The following KCNQ1 variants were observed in gnomAD, a reference collection of about 807,000 sequenced individuals.
KCNQ1 encodes potassium voltage-gated channel subfamily KQT member 1.
In KCNQ1, 49 loss-of-function variants were observed where a neutral mutation model predicts 72.4. That is an observed-to-expected ratio of 0.68 (90% confidence interval 0.54 to 0.86). The LOEUF is 0.86. Ranked by LOEUF, KCNQ1 falls within the 40% of genes least tolerant of loss-of-function variation. KCNQ1 has a pLI of 0.00. For synonymous variants in KCNQ1, 450 were observed against 412.6 expected, an observed-to-expected ratio of 1.09 and a Z score of -1.10; for missense variants, 790 against 945.1, an observed-to-expected ratio of 0.84 and a Z score of 2.15.
chr11:2,449,763 A>G (rs965806807), intron 1 of KCNQ1, among the ~76,000 whole-genome samples: 14 of 152,074 alleles, frequency 9.2e-5, no homozygotes, highest in African/African-American at 3.4e-4. Context: ...CCCCGTTTTT[A>G]AAGGCGTTGG....
rs1846626799 is a variant in KCNQ1, at chr11:2,479,872, A to G, written c.386+34388A>G. ...AAACTGAATGCTTTTAACAACACCC[A>G]AGTCACCTCTTGAAAGCTTTGCAGC... On this transcript the variant is annotated intron_variant, in intron 1 of 15. Transcript: ENST00000155840. This position sits in a 1 kb window ranked among gnomAD's most constrained non-coding sequence, Gnocchi z 4.6. 6.6e-6 allele frequency among the ~76,000 whole-genome samples: 1 copy of G among 152,152 alleles called. No individual in the cohort carries two copies. The highest frequency in any genetic ancestry group is 1.5e-5 in the Non-Finnish European group (1 of 68,022).
chr11:2,685,948 C>G (rs932514268), intron 11 of KCNQ1: 1 of 398,660 alleles, frequency 2.5e-6, no homozygotes, highest in African/African-American at 2.1e-5. Context: ...CATCCTCCTG[C>G]TGGGTCACAC....
rs59755063 is a variant in KCNQ1, at chr11:2,573,096, A to C, written c.921+110A>C. 2.0e-5 allele frequency: 26 copies of C among 1,286,896 alleles called. No individual in the cohort carries two copies. In the African/African-American group the frequency reaches 3.5e-4, roughly 17 times the overall value. The allele number at this position is 1,286,896 out of a possible 1,614,324, so 79.7% of individuals were successfully genotyped here. A position where few individuals can be genotyped will look rare whatever the true frequency, so the allele number is the denominator to read the frequency against. On this transcript the variant is annotated intron_variant, in intron 6 of 15. Transcript: ENST00000155840. ...CTTCGGGCCTTGGCAGGGGCTTCTC[A>C]CCTGCACGCTCACAGGCCTCTGTCC...
rs1847964792 is a variant in KCNQ1 at position 2,550,321 on chromosome 11, A to G, written c.478-20307A>G. 6.6e-6 allele frequency among the ~76,000 whole-genome samples: 1 copy of G among 152,182 alleles called. No homozygotes were observed. Among genetic ancestry groups the G allele is most frequent in the Admixed American group, 6.5e-5 (1 of 15,288 alleles). On this transcript the variant is annotated intron_variant, in intron 2 of 15. Transcript: ENST00000155840. This position sits in a 1 kb window ranked among gnomAD's most constrained non-coding sequence, Gnocchi z 6.0. ...GCCTGGATTTCCGACACACTGCAGC[A>G]TCTGCATCCTTGCCGTCACCCCTCA...
At position 2,768,920 on chromosome 11, in the gene KCNQ1, G is replaced by A. The variant is rs767921776; in HGVS notation, c.1590+1G>A. 3 of 1,612,978 alleles carry A rather than the reference G, an allele frequency of 1.9e-6. No homozygotes were observed. In the Admixed American group the frequency reaches 5.0e-5, roughly 27 times the overall value. ...CTTTGTGGCCAAGAAGAAATTCCAG[G>A]TAAGCCCTGTGCTGAGCCTTCCTGC... On this transcript the variant is annotated splice_donor_variant, in intron 12 of 15. Transcript: ENST00000155840. LOFTEE classifies it high-confidence loss of function. This position sits in a 1 kb window ranked among gnomAD's most constrained non-coding sequence, Gnocchi z 6.7.
chr11:2,542,355 T>C (rs1277545704), intron 2 of KCNQ1, among the ~76,000 whole-genome samples: 1 of 152,226 alleles, frequency 6.6e-6, no homozygotes, highest in Non-Finnish European at 1.5e-5. Context: ...AGGGGCCCCG[T>C]GCCCACCAAA....
chr11:2,764,649 C>T lies in KCNQ1; in HGVS notation c.1515-4195C>T, dbSNP rs1334689615. Among the ~76,000 whole-genome samples the T allele has an allele frequency of 6.6e-6, 1 of 152,076 alleles. No individual in the cohort carries two copies. Among genetic ancestry groups the T allele is most frequent in the African/African-American group, 2.4e-5 (1 of 41,408 alleles). On this transcript the variant is annotated intron_variant, in intron 11 of 15. Coordinates refer to ENST00000155840, the MANE Select transcript of KCNQ1 (RefSeq NM_000218.3). The surrounding 1 kb of genome is among the most constrained non-coding windows in gnomAD (Gnocchi z 4.8). Reference sequence around the variant, plus strand: ...TCGTCTAGATACAGAGTTTTCTTTGCCAGAAGATCATTAAAATTCCAAATT... The same window carrying T: ...TCGTCTAGATACAGAGTTTTCTTTGTCAGAAGATCATTAAAATTCCAAATT...
intron 15 of KCNQ1, among the ~76,000 whole-genome samples, chr11:2,841,387 G>T (rs1420201180): frequency 6.6e-6 from 1 of 152,172 alleles, no homozygotes; most frequent in Non-Finnish European, 1.5e-5. Flanking sequence ...CCTGGAACAA[G>T]CGGGGAACAG....
chr11:2,587,650 C>T lies in KCNQ1; in HGVS notation c.1209C>T (p.His403=), dbSNP rs779294146. Residue 403 remains histidine (H), a synonymous_variant, in exon 9 of 16, where the codon CAC becomes CAT. Coordinates refer to ENST00000155840, the MANE Select transcript of KCNQ1 (RefSeq NM_000218.3). ...KIYIRKAPRS[H]TLLSPSPKPK... ...ACATCCGGAAGGCCCCCCGGAGCCA[C>T]ACTCTGCTGTCACCCAGCCCCAAAC... 5.0e-5 allele frequency: 81 copies of T among 1,613,834 alleles called. No individual in the cohort carries two copies. Among genetic ancestry groups the T allele is most frequent in the Non-Finnish European group, 6.9e-5 (81 of 1,180,024 alleles).
chr11:2,628,588 T>G (rs1408377236), intron 10 of KCNQ1: 5 of 398,366 alleles, frequency 1.3e-5, no homozygotes, highest in African/African-American at 6.2e-5. Context: ...CCGCTACATG[T>G]GCTGCCTTTT....
Position 2,691,862 on chromosome 11 carries a change from A to T in KCNQ1, c.1514+29781A>T, listed in dbSNP as rs915844636. 6 of 398,468 alleles carry T rather than the reference A, an allele frequency of 1.5e-5. No individual in the cohort carries two copies. Among genetic ancestry groups the T allele is most frequent in the African/African-American group, 4.1e-5 (2 of 48,574 alleles). The allele number at this position is 398,468 out of a possible 1,614,324, so 24.7% of individuals were successfully genotyped here. On this transcript the variant is annotated intron_variant, in intron 11 of 15. Coordinates refer to ENST00000155840, the MANE Select transcript of KCNQ1 (RefSeq NM_000218.3). The surrounding 1 kb of genome is among the most constrained non-coding windows in gnomAD (Gnocchi z 6.4). ...CCATGACCCCTAGGTCCTCTTTTCCATCCCTCCAGTTCTCCTGGCTTTCTT... is the reference window on the plus strand; with the variant it reads ...CCATGACCCCTAGGTCCTCTTTTCCTTCCCTCCAGTTCTCCTGGCTTTCTT...
intron 1 of KCNQ1, among the ~76,000 whole-genome samples, chr11:2,452,718 G>T (rs1459440927): frequency 6.6e-6 from 1 of 152,230 alleles, no homozygotes; most frequent in African/African-American, 2.4e-5. Context: ...ATACAGCTTT[G>T]CTAATTAAAA....
intron 15 of KCNQ1, among the ~76,000 whole-genome samples, chr11:2,791,894 G>A (rs1470932226): frequency 6.6e-6 from 1 of 152,248 alleles, no homozygotes; most frequent in African/African-American, 2.4e-5. Flanking sequence ...TGGCTGACGC[G>A]GCGCACGGCC....
intron 15 of KCNQ1, among the ~76,000 whole-genome samples, chr11:2,793,411 G>A (rs1233651219): frequency 2.8e-5 from 3 of 105,964 alleles, no homozygotes; most frequent in Non-Finnish European, 4.9e-5. Flanking sequence ...CTTGAGGCCA[G>A]GAGTTCACGA....
chr11:2,776,133 G>A (rs1046794293), intron 13 of KCNQ1, 79 bp downstream of exon 13: 157 of 1,220,552 alleles, frequency 1.3e-4, no homozygotes, highest in African/African-American at 5.6e-4. Context: ...CAGCGGTGCC[G>A]GAGGAGGGAG....
rs557959916 is a variant in KCNQ1, at chr11:2,457,607, A to C, written c.386+12123A>C. Among the ~76,000 whole-genome samples, 8 of 151,318 alleles carry C rather than the reference A, an allele frequency of 5.3e-5. No homozygotes were observed. In the South Asian group the frequency reaches 8.3e-4, roughly 16 times the overall value. On this transcript the variant is annotated intron_variant, in intron 1 of 15. Transcript: ENST00000155840. This position sits in a 1 kb window ranked among gnomAD's most constrained non-coding sequence, Gnocchi z 5.0. ...ATGTGGACATAATGATGAGAACAAG[A>C]GACACTGGGGAATACAAGAGTGGGG...
Position 2,447,121 on chromosome 11 carries a change from C to T in KCNQ1, c.386+1637C>T, listed in dbSNP as rs963251552. On this transcript the variant is annotated intron_variant, in intron 1 of 15. Transcript: ENST00000155840. This position sits in a 1 kb window ranked among gnomAD's most constrained non-coding sequence, Gnocchi z 7.6. The stretch of plus-strand genomic sequence containing the variant: ...TGCCTCCGGGCTCACTGCAGCCACC[C>T]GTGTGGAGGAAGAGGAGGAAGAGGG... Among the ~76,000 whole-genome samples the T allele has an allele frequency of 5.3e-5, 8 of 152,190 alleles. No individual in the cohort carries two copies. Among genetic ancestry groups the T allele is most frequent in the South Asian group, 2.1e-4 (1 of 4,834 alleles).
chr11:2,847,846 C>A lies in KCNQ1; in HGVS notation c.1874C>A (p.Pro625His). The change falls in exon 16 of 16, where the codon CCC (proline) becomes CAC (histidine). Residue 625 changes from proline (P) to histidine (H), a missense_variant. Physicochemically the swap from Pro to His is moderately conservative, Grantham distance 77. Around this residue, in one of 5 missense-constraint regions of KCNQ1, gnomAD observed 94 missense variants for 85.2 expected, o/e 1.10. Coordinates refer to ENST00000155840, the MANE Select transcript of KCNQ1 (RefSeq NM_000218.3). ...QLLSLHGGSTPGSGGPPREGG... is the reference protein window; with the variant it reads ...QLLSLHGGSTHGSGGPPREGG... ...CTCTCCTTGCACGGTGGCAGCACCC[C>A]CGGCAGCGGCGGCCCCCCCAGAGAG... is the stretch of plus-strand genomic sequence containing the variant. The A allele has an allele frequency of 1.3e-6, 2 of 1,570,698 alleles. No homozygotes were observed. The highest frequency in any genetic ancestry group is 4.7e-5 in the East Asian group (2 of 42,472).
intron 1 of KCNQ1, among the ~76,000 whole-genome samples, chr11:2,506,337 G>A (rs1002676054): frequency 6.6e-5 from 10 of 152,140 alleles, no homozygotes; most frequent in African/African-American, 1.9e-4. Flanking sequence ...CTTTTCTCAC[G>A]TAATAGTATT....
Sources: allele counts gnomAD v4.1 joint callset (sites outside exome capture counted in the v4.1 genomes callset), GRCh38; gene constraint gnomAD v4.1.1; regional missense constraint gnomAD v4.1.1; non-coding constraint Gnocchi (gnomAD v3.1); transcripts MANE v1.5; gene names NCBI Gene and HGNC (gene_info 2026-07-23, HGNC 2026-07-21).